The following FBXO7 variants were observed in gnomAD, a reference collection of about 807,000 sequenced individuals.
FBXO7 encodes the protein F-box only protein 7.
Under a neutral mutation model 50.2 loss-of-function variants are expected in FBXO7, and 31 were observed. The observed-to-expected ratio is 0.62, with a 90% CI of 0.46 to 0.83. The LOEUF is 0.83. Ranked by LOEUF, FBXO7 falls within the 40% of genes least tolerant of loss-of-function variation. The probability of loss-of-function intolerance (pLI) is 0.00; values close to 1 mark genes in which losing one functional copy is unlikely to be tolerated. For missense variants in FBXO7, 667 were observed against 646.6 expected (o/e 1.03, Z -0.34); for synonymous variants, 256 against 253.1 (o/e 1.01, Z -0.11).
chr22:32,485,137 A>C lies in FBXO7; in HGVS notation c.715A>C (p.Met239Leu). Reference protein sequence around the residue: ...KLSGVYKLQYMHPLCEGSSAT... With the variant: ...KLSGVYKLQYLHPLCEGSSAT... ...GAGCGGGGTGTATAAGCTGCAGTAC[A>C]TGCATCCTCTCTGCGAGGGCAGCTC... Residue 239 changes from methionine to leucine, a missense_variant, in exon 4 of 9, where the codon ATG becomes CTG. By Grantham distance (15) the Met-to-Leu change is conservative. Coordinates refer to ENST00000266087, the MANE Select transcript of FBXO7 (RefSeq NM_012179.4). 4 of 1,614,186 alleles carry C rather than the reference A, an allele frequency of 2.5e-6. No homozygotes were observed. Among genetic ancestry groups the C allele is most frequent in the Non-Finnish European group, 3.4e-6 (4 of 1,180,038 alleles).
chr22:32,475,612 A>G lies in FBXO7; in HGVS notation c.122+488A>G, dbSNP rs937509896. The stretch of plus-strand genomic sequence containing the variant: ...GCTAGAAGTTAAAAATCTGCCCTCA[A>G]TCCGAGGCCACCGGTAGCTTGTATC... On this transcript the variant is annotated intron_variant, in intron 1 of 8. Coordinates refer to ENST00000266087, the MANE Select transcript of FBXO7 (RefSeq NM_012179.4). The G allele has an allele frequency of 6.9e-6, 4 of 579,778 alleles. No individual in the cohort carries two copies. In the South Asian group the frequency reaches 7.6e-5, roughly 11 times the overall value. 35.9% of individuals were successfully genotyped at this position (579,778 alleles called of 1,614,324 possible).
At chr22:32,487,534 AG>A in intron 4 of FBXO7, 1 of 486,898 alleles carries the variant, frequency 2.1e-6, no homozygotes, top group Non-Finnish European at 3.7e-6. Flanking sequence ...TAGTTTTTAA[AG>A]GTGGTGTTGT....
rs777871831 is a variant in FBXO7 at position 32,487,885 on chromosome 22, A to G, written c.871+57A>G. The G allele has an allele frequency of 3.8e-5, 40 of 1,056,384 alleles. No homozygotes were observed. In the East Asian group the frequency reaches 9.6e-4, roughly 25 times the overall value. 65.4% of individuals were successfully genotyped at this position (1,056,384 alleles called of 1,614,324 possible). On this transcript the variant is annotated intron_variant, in intron 5 of 8. Coordinates refer to ENST00000266087, the MANE Select transcript of FBXO7 (RefSeq NM_012179.4). Reference sequence around the variant, plus strand: ...AAACTCTGTGAAATTCATATAAGAAAAAAATCTGAAAGATAATGTTCAAAA... The same window carrying G: ...AAACTCTGTGAAATTCATATAAGAAGAAAATCTGAAAGATAATGTTCAAAA...
chr22:32,498,673 AT>A lies in FBXO7; in HGVS notation c.*146del. Reference sequence around the variant, plus strand: ...CTCCCAGAAACCTTTTAAGAGATACATTTATAGCCCTAGGGGTGGTATGACC... The same window carrying A: ...CTCCCAGAAACCTTTTAAGAGATACATTATAGCCCTAGGGGTGGTATGACC... On this transcript the variant is annotated 3_prime_UTR_variant, in exon 9 of 9. Coordinates refer to ENST00000266087, the MANE Select transcript of FBXO7 (RefSeq NM_012179.4). 1 of 1,008,360 alleles carries A rather than the reference AT, an allele frequency of 9.9e-7. No individual in the cohort carries two copies. Among genetic ancestry groups the A allele is most frequent in the African/African-American group, 1.6e-5 (1 of 62,830 alleles). The allele number at this position is 1,008,360 out of a possible 1,614,324, so 62.5% of individuals were successfully genotyped here. A position where few individuals can be genotyped will look rare whatever the true frequency, so the allele number is the denominator to read the frequency against.
At chr22:32,479,332 C>G (rs2057449312) in intron 2 of FBXO7, 57 bp downstream of exon 2, 9 of 1,501,336 alleles carry the variant, frequency 6.0e-6, no homozygotes, top group Non-Finnish European at 8.3e-6. Context: ...TATTGAACAC[C>G]TCAGTTGAAT....
intron 8 of FBXO7, among the ~76,000 whole-genome samples, chr22:32,497,024 G>A (rs2057579510): frequency 6.6e-6 from 1 of 152,228 alleles, no homozygotes; most frequent in African/African-American, 2.4e-5. Context: ...AAGTGCAGAT[G>A]TGATGGACCT....
At chr22:32,475,654 A>C (rs2057423354) in intron 1 of FBXO7, 2 of 502,720 alleles carry the variant, frequency 4.0e-6, no homozygotes, top group East Asian at 3.7e-5. Context: ...GTGAAGCGGC[A>C]ACAATTTTAG....
At chr22:32,491,865 C>T (rs949610442) in intron 6 of FBXO7, 1 of 152,022 alleles carries the variant, frequency 6.6e-6, no homozygotes, top group African/African-American at 2.4e-5. Flanking sequence ...AAATTAAAAT[C>T]TCAGTGTCTT....
intron 5 of FBXO7, chr22:32,489,171 A>G (rs916006514): frequency 6.6e-6 from 1 of 152,136 alleles, no homozygotes; most frequent in South Asian, 2.1e-4. Context: ...CTCACTTCCC[A>G]AAGGAGCCGT....
intron 2 of FBXO7, among the ~76,000 whole-genome samples, chr22:32,482,911 T>C (rs1375820913): frequency 6.6e-6 from 1 of 152,218 alleles, no homozygotes; most frequent in African/African-American, 2.4e-5. Context: ...TGTGATAAGG[T>C]GCAGTAATCA....
chr22:32,497,988 T>A (rs1373847428), intron 8 of FBXO7, among the ~76,000 whole-genome samples, 156 bp from the exon 9 acceptor site: 1 of 152,202 alleles, frequency 6.6e-6, no homozygotes, highest in Non-Finnish European at 1.5e-5. Context: ...ACCAAAAAAA[T>A]TTGTGTGACT....
In FBXO7 at chr22:32,498,197, G is replaced by A. The variant is rs1373592655; in HGVS notation, c.1236G>A (p.Val412=). The A allele has an allele frequency of 4.3e-6, 7 of 1,614,196 alleles. No homozygotes were observed. The highest frequency in any genetic ancestry group is 5.9e-6 in the Non-Finnish European group (7 of 1,180,034). ...AAGAATCCCCGAAAGGGCGGTTTGT[G>A]ATGCTCCTGCCATCGTCAACTCACA... ...QRKESPKGRF[V]MLLPSSTHTI... Residue 412 remains valine (V), a synonymous_variant, in exon 9 of 9, where the codon GTG becomes GTA. Transcript: ENST00000266087.
Position 32,474,960 on chromosome 22 carries a change from C to A in FBXO7, c.-43C>A. 1.3e-6 allele frequency: 2 copies of A among 1,513,016 alleles called. No individual in the cohort carries two copies. Among genetic ancestry groups the A allele is most frequent in the Non-Finnish European group, 1.8e-6 (2 of 1,135,802 alleles). 93.7% of individuals were successfully genotyped at this position (1,513,016 alleles called of 1,614,324 possible). Reference sequence around the variant, plus strand: ...TGCTCGGCCCCGCCGCCGTCCCCGTCGCCGCTTCCGGGTCCAGGCCCCTCG... The same window carrying A: ...TGCTCGGCCCCGCCGCCGTCCCCGTAGCCGCTTCCGGGTCCAGGCCCCTCG... On this transcript the variant is annotated 5_prime_UTR_variant, in exon 1 of 9. Coordinates refer to ENST00000266087, the MANE Select transcript of FBXO7 (RefSeq NM_012179.4).
intron 2 of FBXO7, 59 bp downstream of exon 2, chr22:32,479,334 C>T: frequency 6.9e-7 from 1 of 1,457,266 alleles, no homozygotes; most frequent in South Asian, 1.1e-5. Flanking sequence ...TTGAACACCT[C>T]AGTTGAATTC....
rs761051186 is a variant in FBXO7 at position 32,483,935 on chromosome 22, A to G, written c.456A>G (p.Gln152=). The change falls in exon 3 of 9, where the codon CAA becomes CAG. Residue 152 remains glutamine, a synonymous_variant. Transcript: ENST00000266087. Reference sequence around the variant, plus strand: ...AAAATTTTGAAGCTGAGTCAATTCAAGATAATGCGCATATGGCAGAGGGCA... The same window carrying G: ...AAAATTTTGAAGCTGAGTCAATTCAGGATAATGCGCATATGGCAGAGGGCA... ...PSQNFEAESI[Q]DNAHMAEGTG... 4 of 1,614,164 alleles carry G rather than the reference A, an allele frequency of 2.5e-6. No homozygotes were observed. In the Admixed American group the frequency reaches 5.0e-5, roughly 20 times the overall value.
At chr22:32,479,310 G>C (rs2057449071) in intron 2 of FBXO7, 35 bp downstream of exon 2, 1 of 1,601,562 alleles carries the variant, frequency 6.2e-7, no homozygotes, top group Non-Finnish European at 8.6e-7. Context: ...AAATAGAGTA[G>C]GTGATAAGTC....
At chr22:32,493,020 C>A (rs780471673) in intron 6 of FBXO7, 85 bp from the exon 7 acceptor site, 353 of 1,312,840 alleles carry the variant, frequency 2.7e-4, no homozygotes, top group Non-Finnish European at 3.7e-4. Flanking sequence ...TAGAAAGGAA[C>A]AAGTGGCAAC....
intron 4 of FBXO7, 94 bp from the exon 5 acceptor site, chr22:32,487,651 A>G (rs902630164): frequency 1.3e-6 from 1 of 774,828 alleles, no homozygotes; most frequent in Non-Finnish European, 2.3e-6. Context: ...TCCTTAGTAT[A>G]TTAGGAGCTA....
At chr22:32,476,307 A>G (rs1247605861) in intron 1 of FBXO7, among the ~76,000 whole-genome samples, 1 of 152,186 alleles carries the variant, frequency 6.6e-6, no homozygotes, top group East Asian at 1.9e-4. Context: ...TGTGTTTTAC[A>G]TACTGGCATC....
Sources: allele counts gnomAD v4.1 joint callset (sites outside exome capture counted in the v4.1 genomes callset), GRCh38; gene constraint gnomAD v4.1.1; transcripts MANE v1.5; gene names NCBI Gene and HGNC (gene_info 2026-07-23, HGNC 2026-07-21).